DIP2B: variants seen among roughly 807,000 people sequenced by gnomAD.
DIP2B encodes the protein disco-interacting protein 2 homolog B.
DIP2B carries 76 observed loss-of-function variants against 198.0 expected under a neutral mutation model. The observed-to-expected ratio is 0.38, with a 90% CI of 0.32 to 0.46. The LOEUF (loss-of-function observed/expected upper bound fraction) is 0.46, where lower values mean the gene tolerates loss of function less well. DIP2B is among the 20% of genes least tolerant of loss of function. The pLI, the probability that DIP2B is intolerant of heterozygous loss-of-function variation, is 0.99. For missense variants in DIP2B, 1,559 were observed against 1,978.4 expected, an observed-to-expected ratio of 0.79 and a Z score of 4.02; for synonymous variants, 701 against 739.1, an observed-to-expected ratio of 0.95 and a Z score of 0.84.
intron 1 of DIP2B, among the ~76,000 whole-genome samples, chr12:50,530,055 C>A (rs1181478375): frequency 7.2e-5 from 11 of 152,086 alleles, no homozygotes; most frequent in Admixed American, 7.2e-4. Context: ...GGCTGTGCCT[C>A]TTCTGGGCCT....
chr12:50,648,691 T>G (rs568363592), intron 3 of DIP2B, among the ~76,000 whole-genome samples: 21 of 135,312 alleles, frequency 1.6e-4, no homozygotes, highest in African/African-American at 5.1e-4. Flanking sequence ...TGAGTTGGGT[T>G]GTTCTTCCCC....
chr12:50,607,161 G>A (rs981530151), intron 1 of DIP2B, among the ~76,000 whole-genome samples: 2 of 151,818 alleles, frequency 1.3e-5, no homozygotes, highest in Non-Finnish European at 2.9e-5. Context: ...GTGGAGAGGG[G>A]AACTAACATT....
At chr12:50,627,942 C>G (rs1937967499) in intron 2 of DIP2B, among the ~76,000 whole-genome samples, 1 of 152,230 alleles carries the variant, frequency 6.6e-6, no homozygotes, top group South Asian at 2.1e-4. Context: ...GACAGTCCTT[C>G]TACCTATGCT....
chr12:50,633,439 G>C (rs765657520), intron 2 of DIP2B: 1 of 152,126 alleles, frequency 6.6e-6, no homozygotes, highest in African/African-American at 2.4e-5. Context: ...AAAATAGACC[G>C]AAAAAGGAAG....
At chr12:50,572,208 A>G (rs1264366734) in intron 1 of DIP2B, among the ~76,000 whole-genome samples, 1 of 152,218 alleles carries the variant, frequency 6.6e-6, no homozygotes, top group Non-Finnish European at 1.5e-5. Flanking sequence ...CTTTAAAGCT[A>G]AAATGTCTAT....
In DIP2B at chr12:50,582,532, T is replaced by A. The variant is rs559599398; in HGVS notation, c.101-43444T>A. Among the ~76,000 whole-genome samples, 121 of 152,320 alleles carry A rather than the reference T, an allele frequency of 7.9e-4. 1 individual carries two copies. Among genetic ancestry groups the A allele is most frequent in the Non-Finnish European group, 1.2e-4 (8 of 68,028 alleles). On this transcript the variant is annotated intron_variant, in intron 1 of 37. Coordinates refer to ENST00000301180, the MANE Select transcript of DIP2B (RefSeq NM_173602.3). ...TTGTAATATTAGTTTATATTGGAAGTATAAAATAAATACTGGCTCCATCTT... is the reference window on the plus strand; with the variant it reads ...TTGTAATATTAGTTTATATTGGAAGAATAAAATAAATACTGGCTCCATCTT...
At chr12:50,603,466 C>T (rs1000125683) in intron 1 of DIP2B, among the ~76,000 whole-genome samples, 6 of 152,058 alleles carry the variant, frequency 3.9e-5, no homozygotes, top group African/African-American at 1.4e-4. Context: ...TTGGCCAGTA[C>T]GGTGGCTCAT....
intron 1 of DIP2B, among the ~76,000 whole-genome samples, chr12:50,612,896 G>A (rs1446600223): frequency 6.6e-6 from 1 of 152,114 alleles, no homozygotes; most frequent in Admixed American, 6.5e-5. Flanking sequence ...CCAGCTCTAT[G>A]TTATTCAAAC....
intron 1 of DIP2B, among the ~76,000 whole-genome samples, chr12:50,598,432 CCT>C (rs1216443674): frequency 2.0e-5 from 3 of 151,978 alleles, no homozygotes; most frequent in African/African-American, 7.3e-5. Context: ...CCCTCAACCC[CCT>C]GATTCCATCC....
chr12:50,551,997 A>T (rs184682679), intron 1 of DIP2B, among the ~76,000 whole-genome samples: 1 of 152,240 alleles, frequency 6.6e-6, no homozygotes, highest in South Asian at 2.1e-4. Context: ...ACTGTTTTTT[A>T]TAGTGGCTGC....
chr12:50,671,225 G>A lies in DIP2B; in HGVS notation c.467G>A (p.Arg156His), dbSNP rs764377098. The A allele has an allele frequency of 2.5e-6, 4 of 1,613,990 alleles. No homozygotes were observed. Among genetic ancestry groups the A allele is most frequent in the Admixed American group, 1.7e-5 (1 of 59,984 alleles). The change falls in exon 5 of 38, where the codon CGC (arginine) becomes CAC (histidine). Residue 156 changes from arginine (R) to histidine (H), a missense_variant. Physicochemically the swap from Arg to His is conservative, Grantham distance 29. Transcript: ENST00000301180. ...SASEDEGSLR[R>H]QAALSAALQQ... ...TCTGAGGATGAGGGCTCTCTGAGAC[G>A]CCAAGCTGCGCTCTCTGCTGCCTTG...
At chr12:50,719,102 C>A in intron 25 of DIP2B, 67 bp downstream of exon 25, 2 of 1,504,036 alleles carry the variant, frequency 1.3e-6, no homozygotes, top group South Asian at 1.2e-5. Flanking sequence ...CACTCTTGAT[C>A]TCTTTCTTTC....
At chr12:50,697,273 T>G (rs745742453) in intron 17 of DIP2B, 98 bp downstream of exon 17, 48 of 1,079,544 alleles carry the variant, frequency 4.4e-5, no homozygotes, top group Middle Eastern at 4.2e-4. Context: ...TAACTAATTT[T>G]CTAAGCAGTT....
chr12:50,571,136 G>C (rs554349256), intron 1 of DIP2B, among the ~76,000 whole-genome samples: 1 of 151,712 alleles, frequency 6.6e-6, no homozygotes, highest in African/African-American at 2.4e-5. Flanking sequence ...TAGTAGGGAA[G>C]GTCTCAAAGA....
At chr12:50,713,859 ATGAG>A (rs1452012868) in intron 22 of DIP2B, among the ~76,000 whole-genome samples, 1 of 152,182 alleles carries the variant, frequency 6.6e-6, no homozygotes, top group African/African-American at 2.4e-5. Context: ...ACTTGAGGCC[ATGAG>A]TTCAAGACCA....
intron 1 of DIP2B, among the ~76,000 whole-genome samples, chr12:50,614,463 G>C (rs185374321): frequency 2.5e-4 from 38 of 152,222 alleles, no homozygotes; most frequent in Admixed American, 2.2e-3. Context: ...ACGCTTGATG[G>C]TTCTAAAATC....
chr12:50,738,150 G>A (rs540062422), intron 35 of DIP2B, among the ~76,000 whole-genome samples: 44 of 151,872 alleles, frequency 2.9e-4, no homozygotes, highest in Non-Finnish European at 7.4e-5. Context: ...GACCATCCTG[G>A]CCAACATGAG....
intron 4 of DIP2B, among the ~76,000 whole-genome samples, chr12:50,663,361 A>G (rs1300342105): frequency 2.0e-5 from 3 of 150,936 alleles, no homozygotes; most frequent in Admixed American, 1.3e-4. Flanking sequence ...GATCGAGACC[A>G]TCCTGGCTAA....
intron 1 of DIP2B, among the ~76,000 whole-genome samples, chr12:50,606,662 T>C (rs1001810773): frequency 6.6e-5 from 10 of 152,178 alleles, no homozygotes; most frequent in Admixed American, 5.9e-4. Context: ...GTAATTTTTT[T>C]CTGAGATTTT....
Sources: gnomAD v4.1 joint callset for allele counts (sites outside exome capture counted in the v4.1 genomes callset) on GRCh38, gnomAD v4.1.1 for gene constraint, MANE v1.5 for transcripts, NCBI Gene and HGNC (gene_info 2026-07-23, HGNC 2026-07-21) for gene names.